The following NUP58 variants were observed in gnomAD, a reference collection of about 807,000 sequenced individuals.
NUP58 encodes the protein nucleoporin 58, also known as nucleoporin p58/p45.
Under a neutral mutation model 70.1 loss-of-function variants are expected in NUP58, and 17 were observed. The ratio of observed to expected loss-of-function variants is 0.24; its 90% confidence interval spans 0.17 to 0.36. The LOEUF (loss-of-function observed/expected upper bound fraction) is 0.36, where lower values mean the gene tolerates loss of function less well. NUP58 is among the 10% of genes least tolerant of loss of function. The pLI is 1.00. For synonymous variants in NUP58, 275 were observed against 257.6 expected (o/e 1.07, Z -0.65); for missense variants, 644 against 701.5 (o/e 0.92, Z 0.93).
At chr13:25,346,217 G>A (rs1470575670), downstream of NUP58, among the ~76,000 whole-genome samples, 5 of 152,110 alleles carry the variant, frequency 3.3e-5, no homozygotes, top group Non-Finnish European at 7.3e-5. Context: ...GCTGCCATAC[G>A]TTAACTCATT....
chr13:25,308,372 C>T (rs1433376447), intron 2 of NUP58, among the ~76,000 whole-genome samples: 1 of 151,968 alleles, frequency 6.6e-6, no homozygotes, highest in East Asian at 1.9e-4. Flanking sequence ...ATGATCATGG[C>T]TCACTGTAGC....
intron 5 of NUP58, among the ~76,000 whole-genome samples, chr13:25,314,437 T>G (rs1309249025): frequency 2.0e-5 from 3 of 152,160 alleles, no homozygotes; most frequent in African/African-American, 7.2e-5. Flanking sequence ...GGCTCACACC[T>G]GTAATCCCAG....
intron 9 of NUP58, among the ~76,000 whole-genome samples, chr13:25,323,481 TCTAATG>T (rs1322563214): frequency 1.3e-5 from 2 of 152,234 alleles, no homozygotes; most frequent in African/African-American, 4.8e-5. Context: ...CTAAGATTAC[TCTAATG>T]TCTAGTAGCT....
At chr13:25,309,729 T>C (rs1309088416) in intron 3 of NUP58, among the ~76,000 whole-genome samples, 1 of 152,172 alleles carries the variant, frequency 6.6e-6, no homozygotes, top group African/African-American at 2.4e-5. Flanking sequence ...GTGTTAACGC[T>C]AAAGGGAATG....
chr13:25,325,827 T>C (rs1159530052), intron 10 of NUP58, among the ~76,000 whole-genome samples: 3 of 152,210 alleles, frequency 2.0e-5, no homozygotes, highest in Non-Finnish European at 2.9e-5. Flanking sequence ...CCTAAAGTGC[T>C]GGGATTACAG....
In NUP58 at chr13:25,326,940, A is replaced by G. The variant is rs1463875299; in HGVS notation, c.1056A>G (p.Gln352=). The change falls in exon 11 of 16, where the codon CAA becomes CAG. Residue 352 remains glutamine, a synonymous_variant. Coordinates refer to ENST00000381736, the MANE Select transcript of NUP58 (RefSeq NM_014089.4). ...GCTACTTCAGAATCTTGGTTCAGCA[A>G]TTTGAGGTACAGCTTCAGCAGTACA... ...PADYFRILVQ[Q]FEVQLQQYRQ... 6 of 1,592,602 alleles carry G rather than the reference A, an allele frequency of 3.8e-6. No individual in the cohort carries two copies. Among genetic ancestry groups the G allele is most frequent in the South Asian group, 1.2e-5 (1 of 86,182 alleles).
intron 1 of NUP58, among the ~76,000 whole-genome samples, chr13:25,303,587 A>G (rs1199516001): frequency 6.6e-6 from 1 of 152,064 alleles, no homozygotes. Flanking sequence ...GCAAATATCA[A>G]ATGGTCTCTT....
Position 25,321,008 on chromosome 13 carries a change from C to T in NUP58, c.866C>T (p.Ala289Val), listed in dbSNP as rs373048208. Residue 289 changes from alanine to valine, a missense_variant, in exon 9 of 16, where the codon GCT becomes GTT. Transcript: ENST00000381736. ...CTTAAGGTACAAGAAGATATTAAAG[C>T]TCTGAAGCAGCTCCTGTCGTTGGCT... ...AMLKVQEDIK[A>V]LKQLLSLAAN... is the part of the protein sequence containing the mutation. 2.5e-6 allele frequency: 4 copies of T among 1,599,482 alleles called. No homozygotes were observed. In the African/African-American group the frequency reaches 5.4e-5, roughly 22 times the overall value.
chr13:25,324,662 A>G (rs756464225), intron 9 of NUP58, among the ~76,000 whole-genome samples: 5 of 152,006 alleles, frequency 3.3e-5, no homozygotes, highest in Non-Finnish European at 7.4e-5. Flanking sequence ...AAAAAAAAGT[A>G]TTTTCTGCGT....
rs2137831899 is a variant in NUP58, at chr13:25,337,007, A to G, written c.1507A>G (p.Ser503Gly). 6.2e-7 allele frequency: 1 copy of G among 1,608,724 alleles called. No homozygotes were observed. Among genetic ancestry groups the G allele is most frequent in the Non-Finnish European group, 8.5e-7 (1 of 1,178,182 alleles). The stretch of plus-strand genomic sequence containing the variant: ...AGGTATTGGCACTGGCTTGCAATCA[A>G]GTGGCTTAGGTTCTTCAAACCTTGG... ...GSGIGTGLQS[S>G]GLGSSNLGGF... The change falls in exon 14 of 16, where the codon AGT becomes GGT. Residue 503 changes from serine (S) to glycine (G), a missense_variant. Transcript: ENST00000381736.
intron 8 of NUP58, 112 bp from the exon 9 acceptor site, chr13:25,320,807 G>A (rs1480781074): frequency 1.3e-6 from 1 of 778,982 alleles, no homozygotes; most frequent in African/African-American, 1.8e-5. Context: ...AACTATAGAT[G>A]AATTTTTAGT....
intron 9 of NUP58, among the ~76,000 whole-genome samples, chr13:25,322,106 CTTGA>C (rs1470003540): frequency 6.6e-6 from 1 of 152,174 alleles, no homozygotes; most frequent in Admixed American, 6.5e-5. Flanking sequence ...ACAGAATATA[CTTGA>C]TCTCATCATA....
Position 25,305,538 on chromosome 13 carries a change from C to G in NUP58, c.108-2268C>G, listed in dbSNP as rs184152076. 6.6e-5 allele frequency among the ~76,000 whole-genome samples: 10 copies of G among 152,184 alleles called. No homozygotes were observed. The East Asian group carries it at 1.9e-3, about 29-fold the overall frequency. On this transcript the variant is annotated intron_variant, in intron 1 of 15. Transcript: ENST00000381736. The stretch of plus-strand genomic sequence containing the variant: ...TTGTCTCCTGCCTCGCCTTCATATG[C>G]CCAAGGTGCACACAAACACATTTTA...
intron 13 of NUP58, chr13:25,331,897 G>GTTT (rs1216346525): frequency 1.8e-6 from 2 of 1,083,196 alleles, no homozygotes; most frequent in East Asian, 1.4e-4. Flanking sequence ...ACCATTTATT[G>GTTT]TTTTAAAGTC....
Position 25,338,624 on chromosome 13 carries a change from C to T in NUP58, c.1535-12C>T. Reference sequence around the variant, plus strand: ...TGTGCCATTGTATATTTTTCTATTACCCTTCCACTAGGATTTGGAACTAGC... The same window carrying T: ...TGTGCCATTGTATATTTTTCTATTATCCTTCCACTAGGATTTGGAACTAGC... On this transcript the variant is annotated splice_polypyrimidine_tract_variant and intron_variant, in intron 14 of 15. Coordinates refer to ENST00000381736, the MANE Select transcript of NUP58 (RefSeq NM_014089.4). 1 of 1,597,380 alleles carries T rather than the reference C, an allele frequency of 6.3e-7. No individual in the cohort carries two copies. Among genetic ancestry groups the T allele is most frequent in the African/African-American group, 1.3e-5 (1 of 74,628 alleles).
Position 25,309,273 on chromosome 13 carries a change from T to C in NUP58, c.277T>C (p.Leu93=), listed in dbSNP as rs2030535020. The C allele has an allele frequency of 6.2e-7, 1 of 1,607,120 alleles. No individual in the cohort carries two copies. The highest frequency in any genetic ancestry group is 1.3e-5 in the African/African-American group (1 of 74,754). ...AATAGCAACAACTATAACTACAGGA[T>C]TAACTCTGGGTAAGAATTTTTGAGG... The part of the protein sequence containing the change: ...TGIATTITTG[L]TLGTPATTSA... The change falls in exon 3 of 16, where the codon TTA becomes CTA. Residue 93 remains leucine, a synonymous_variant. Coordinates refer to ENST00000381736, the MANE Select transcript of NUP58 (RefSeq NM_014089.4).
chr13:25,327,636 A>C, intron 12 of NUP58, 124 bp downstream of exon 12: 4 of 587,434 alleles, frequency 6.8e-6, no homozygotes, highest in South Asian at 2.5e-5. Flanking sequence ...AAAAGATGAA[A>C]ACTACTATAA....
chr13:25,320,107 A>G (rs147998975), intron 7 of NUP58, among the ~76,000 whole-genome samples: 1 of 152,224 alleles, frequency 6.6e-6, no homozygotes, highest in African/African-American at 2.4e-5. Flanking sequence ...TATTTTGAGC[A>G]TCTCGTTGTG....
chr13:25,316,739 G>T (rs2030948276), intron 6 of NUP58, among the ~76,000 whole-genome samples: 1 of 152,024 alleles, frequency 6.6e-6, no homozygotes, highest in Admixed American at 6.6e-5. Context: ...TATTATAATT[G>T]TTTTTAGGCT....
Sources: allele counts gnomAD v4.1 joint callset (sites outside exome capture counted in the v4.1 genomes callset), GRCh38; gene constraint gnomAD v4.1.1; transcripts MANE v1.5; gene names NCBI Gene and HGNC (gene_info 2026-07-23, HGNC 2026-07-21).